The following STYXL2 variants were observed in gnomAD, a reference collection of about 807,000 sequenced individuals.
STYXL2 encodes serine/threonine/tyrosine interacting like 2.
In STYXL2, 44 loss-of-function variants were observed where a neutral mutation model predicts 52.4. The observed-to-expected ratio is 0.84, with a 90% CI of 0.66 to 1.08. The LOEUF (loss-of-function observed/expected upper bound fraction) is 1.08. Ranked by LOEUF, STYXL2 falls within the 50% of genes least tolerant of loss-of-function variation. STYXL2 has a pLI of 0.00. For synonymous variants in STYXL2, 604 were observed against 586.9 expected (o/e 1.03, Z -0.42); for missense variants, 1,604 against 1,471.7 (o/e 1.09, Z -1.47).
intron 2 of STYXL2, among the ~76,000 whole-genome samples, chr1:167,105,407 C>T (rs182936311): frequency 6.6e-6 from 1 of 152,188 alleles, no homozygotes; most frequent in African/African-American, 2.4e-5. Context: ...AGGTATGTAT[C>T]GATCCTAGGT....
intron 4 of STYXL2, among the ~76,000 whole-genome samples, chr1:167,118,195 A>T (rs1667771589): frequency 6.6e-6 from 1 of 152,198 alleles, no homozygotes; most frequent in Non-Finnish European, 1.5e-5. Flanking sequence ...TTATAATCCA[A>T]AAACTATTAT....
At chr1:167,116,651 G>GTT (rs57553225) in intron 3 of STYXL2, among the ~76,000 whole-genome samples, 41,352 of 113,608 alleles carry the variant, frequency 0.36, 8,784 homozygotes, top group East Asian at 0.69. Flanking sequence ...TTTTTTTTTG[G>GTT]TTTTTTTTTT....
intron 2 of STYXL2, among the ~76,000 whole-genome samples, chr1:167,098,718 A>C (rs2102220718): frequency 6.6e-6 from 1 of 152,304 alleles, no homozygotes; most frequent in African/African-American, 2.4e-5. Flanking sequence ...TGACTCACAG[A>C]GGCATCTTCA....
chr1:167,128,830 C>T lies in STYXL2; in HGVS notation c.*222C>T, dbSNP rs1668033089. ...ACGAATACGAGGTCCGAATGCGGAC[C>T]AACTGATACCATTTTCTGTTGCTCA... is the stretch of plus-strand genomic sequence containing the variant. On this transcript the variant is annotated 3_prime_UTR_variant, in exon 6 of 6. Coordinates refer to ENST00000361200, the MANE Select transcript of STYXL2 (RefSeq NM_001080426.3). 3.3e-6 allele frequency: 2 copies of T among 615,010 alleles called. No homozygotes were observed. Among genetic ancestry groups the T allele is most frequent in the Non-Finnish European group, 5.3e-6 (2 of 374,784 alleles). The allele number at this position is 615,010 out of a possible 1,614,324, so 38.1% of individuals were successfully genotyped here. A position where few individuals can be genotyped will look rare whatever the true frequency, so the allele number is the denominator to read the frequency against.
Position 167,126,992 on chromosome 1 carries a change from A to G in STYXL2, c.1861A>G (p.Lys621Glu), listed in dbSNP as rs746051072. 2 of 1,608,222 alleles carry G rather than the reference A, an allele frequency of 1.2e-6. No individual in the cohort carries two copies. The highest frequency in any genetic ancestry group is 8.5e-7 in the Non-Finnish European group (1 of 1,176,778). ...CAAGGGGGAGGACTCGGCCTTGGCT[A>G]AGAAGAGACAACGGAGGCTGGAGCT... ...LSKGEDSALAKKRQRRLELLE... is the reference protein window; with the variant it reads ...LSKGEDSALAEKRQRRLELLE... Residue 621 changes from lysine to glutamate, a missense_variant, in exon 6 of 6, where the codon AAG becomes GAG. Lys to Glu is a moderately conservative substitution (Grantham distance 56). Transcript: ENST00000361200.
At chr1:167,100,007 G>A (rs973418313) in intron 2 of STYXL2, among the ~76,000 whole-genome samples, 8 of 152,214 alleles carry the variant, frequency 5.3e-5, no homozygotes, top group African/African-American at 1.9e-4. Flanking sequence ...AAAGAATAGA[G>A]GTTTATTTGG....
At chr1:167,117,233 TG>T in intron 3 of STYXL2, 94 bp from the exon 4 acceptor site, 1 of 1,152,820 alleles carries the variant, frequency 8.7e-7, no homozygotes, top group Non-Finnish European at 1.2e-6. Context: ...CCCAGAATCC[TG>T]GCAGCAAACT....
chr1:167,111,433 C>T (rs1667613434), intron 2 of STYXL2, among the ~76,000 whole-genome samples: 1 of 142,746 alleles, frequency 7.0e-6, no homozygotes, highest in Non-Finnish European at 1.5e-5. Flanking sequence ...AGCCCAAATG[C>T]CCATCAGTCA....
At chr1:167,108,476 T>A (rs1344889404) in intron 2 of STYXL2, among the ~76,000 whole-genome samples, 1 of 152,196 alleles carries the variant, frequency 6.6e-6, no homozygotes, top group African/African-American at 2.4e-5. Context: ...AAAATGCATC[T>A]TTTCGTCACA....
rs1558027702 is a variant in STYXL2, at chr1:167,126,626, A to G, written c.1495A>G (p.Ser499Gly). 2 of 1,614,052 alleles carry G rather than the reference A, an allele frequency of 1.2e-6. No individual in the cohort carries two copies. Among genetic ancestry groups the G allele is most frequent in the Admixed American group, 1.7e-5 (1 of 60,026 alleles). Residue 499 changes from serine to glycine, a missense_variant, in exon 6 of 6, where the codon AGC (serine) becomes GGC (glycine). Coordinates refer to ENST00000361200, the MANE Select transcript of STYXL2 (RefSeq NM_001080426.3). ...KEASRRYHAK[S>G]KREEAADRSS... ...GGCTTCCCGGAGGTACCACGCCAAG[A>G]GCAAGAGAGAGGAGGCGGCAGACAG... is the stretch of plus-strand genomic sequence containing the variant.
In STYXL2 at chr1:167,119,392, T is replaced by C; in HGVS notation, c.581T>C (p.Phe194Ser). 1 of 1,614,194 alleles carries C rather than the reference T, an allele frequency of 6.2e-7. No homozygotes were observed. Among genetic ancestry groups the C allele is most frequent in the Non-Finnish European group, 8.5e-7 (1 of 1,180,028 alleles). Reference sequence around the variant, plus strand: ...TACCTGGGTGTAGAGGTGGATGACTTTCCTGAGGTGGACATTTCCCAGCAT... The same window carrying C: ...TACCTGGGTGTAGAGGTGGATGACTCTCCTGAGGTGGACATTTCCCAGCAT... ...IQYLGVEVDD[F>S]PEVDISQHFR... Residue 194 changes from phenylalanine (F) to serine (S), a missense_variant, in exon 5 of 6, where the codon TTT becomes TCT. Phe to Ser is a radical substitution (Grantham distance 155). Transcript: ENST00000361200.
In STYXL2 at chr1:167,128,366, T is replaced by C. The variant is rs1406067110; in HGVS notation, c.3235T>C (p.Phe1079Leu). The C allele has an allele frequency of 1.2e-6, 2 of 1,614,132 alleles. No individual in the cohort carries two copies. Among genetic ancestry groups the C allele is most frequent in the Non-Finnish European group, 1.7e-6 (2 of 1,180,012 alleles). The change falls in exon 6 of 6, where the codon TTC becomes CTC. Residue 1079 changes from phenylalanine (F) to leucine (L), a missense_variant. By Grantham distance (22) the Phe-to-Leu change is conservative. Transcript: ENST00000361200. ...EDVEESSKSD[F>L]SEFGAKRKFT... is the part of the protein sequence containing the mutation. ...TGTGGAAGAGTCATCCAAGTCAGACTTCTCTGAATTTGGAGCCAAGAGGAA... is the reference window on the plus strand; with the variant it reads ...TGTGGAAGAGTCATCCAAGTCAGACCTCTCTGAATTTGGAGCCAAGAGGAA...
chr1:167,107,452 G>A (rs1249190053), intron 2 of STYXL2, among the ~76,000 whole-genome samples: 4 of 152,306 alleles, frequency 2.6e-5, no homozygotes, highest in Non-Finnish European at 1.5e-5. Flanking sequence ...CTCAGATATT[G>A]TATACCTCTT....
chr1:167,104,057 T>C (rs1240902764), intron 2 of STYXL2, among the ~76,000 whole-genome samples: 1 of 152,038 alleles, frequency 6.6e-6, no homozygotes. Context: ...AGGCGGAGCT[T>C]GCAGTGAGCC....
intron 2 of STYXL2, among the ~76,000 whole-genome samples, chr1:167,101,092 C>G (rs1667394379): frequency 6.6e-6 from 1 of 152,104 alleles, no homozygotes; most frequent in South Asian, 2.1e-4. Context: ...GAACTTCTGT[C>G]TAGAATATAT....
rs201591009 is a variant in STYXL2, at chr1:167,126,579, G to A, written c.1448G>A (p.Arg483Lys). ...AGCACCTGGGACGCATGGAACGAGA[G>A]GCTGCTGGAGATTGAGAAGGAGGCT... ...SESTWDAWNE[R>K]LLEIEKEASR... is the part of the protein sequence containing the mutation. Residue 483 changes from arginine to lysine, a missense_variant, in exon 6 of 6, where the codon AGG (arginine) becomes AAG (lysine). Arg to Lys is a conservative substitution (Grantham distance 26, BLOSUM62 2). Coordinates refer to ENST00000361200, the MANE Select transcript of STYXL2 (RefSeq NM_001080426.3). 20 of 1,614,080 alleles carry A rather than the reference G, an allele frequency of 1.2e-5. No individual in the cohort carries two copies. The African/African-American group carries it at 2.4e-4, about 19-fold the overall frequency.
At chr1:167,118,598 T>G (rs1009036616) in intron 4 of STYXL2, among the ~76,000 whole-genome samples, 20 of 152,320 alleles carry the variant, frequency 1.3e-4, no homozygotes, top group African/African-American at 4.8e-4. Context: ...CTAAAAGCTT[T>G]TGTTCCTTCT....
In STYXL2 at chr1:167,127,914, G is replaced by A. The variant is rs776549221; in HGVS notation, c.2783G>A (p.Gly928Asp). ...CDHYASGSRV[G>D]KEMDSSINKW... is the part of the protein sequence containing the mutation. The stretch of plus-strand genomic sequence containing the variant: ...CACTATGCAAGTGGCAGCAGAGTTG[G>A]CAAAGAGATGGATAGCAGTATTAAT... The change falls in exon 6 of 6, where the codon GGC becomes GAC. Residue 928 changes from glycine (G) to aspartate (D), a missense_variant. Physicochemically the swap from Gly to Asp is moderately conservative, Grantham distance 94. Transcript: ENST00000361200. 37 of 1,614,006 alleles carry A rather than the reference G, an allele frequency of 2.3e-5. No homozygotes were observed. Among genetic ancestry groups the A allele is most frequent in the Non-Finnish European group, 2.9e-5 (34 of 1,180,024 alleles).
chr1:167,112,052 T>A (rs762659368), intron 2 of STYXL2, among the ~76,000 whole-genome samples: 37 of 152,130 alleles, frequency 2.4e-4, no homozygotes, highest in Non-Finnish European at 2.8e-4. Flanking sequence ...ACTCAGGATA[T>A]GGCCAGACCC....
Sources: gnomAD v4.1 joint callset for allele counts (sites outside exome capture counted in the v4.1 genomes callset) on GRCh38, gnomAD v4.1.1 for gene constraint, MANE v1.5 for transcripts, NCBI Gene and HGNC (gene_info 2026-07-23, HGNC 2026-07-21) for gene names.